ADGRG7: variants seen among roughly 807,000 people sequenced by gnomAD.
ADGRG7 encodes adhesion G protein-coupled receptor G7, also known as G-protein coupled receptor 128.
In ADGRG7, 82 loss-of-function variants were observed where a neutral mutation model predicts 88.6. The ratio of observed to expected loss-of-function variants is 0.93; its 90% CI spans 0.77 to 1.11. The LOEUF (loss-of-function observed/expected upper bound fraction) is 1.11, where lower values mean the gene tolerates loss of function less well. ADGRG7 is among the 50% of genes most tolerant of loss of function. ADGRG7 has a pLI of 0.00. For missense variants in ADGRG7, 945 were observed against 953.4 expected, an observed-to-expected ratio of 0.99 and a Z score of 0.12; for synonymous variants, 381 against 345.2, an observed-to-expected ratio of 1.10 and a Z score of -1.15.
At chr3:100,686,694 G>A (rs574798727) in intron 15 of ADGRG7, among the ~76,000 whole-genome samples, 170 of 152,204 alleles carry the variant, frequency 1.1e-3, no homozygotes, top group African/African-American at 3.7e-3. Flanking sequence ...GTAGATATGT[G>A]GCATTATTTC....
At chr3:100,694,721 T>A in intron 15 of ADGRG7, 23 bp from the exon 16 acceptor site, 1 of 1,607,064 alleles carries the variant, frequency 6.2e-7, no homozygotes, top group Non-Finnish European at 8.5e-7. Context: ...TTACCCAACA[T>A]TAAACTTTTG....
At chr3:100,626,415 G>C (rs1480416332) in intron 1 of ADGRG7, among the ~76,000 whole-genome samples, 1 of 152,112 alleles carries the variant, frequency 6.6e-6, no homozygotes, top group Non-Finnish European at 1.5e-5. Flanking sequence ...TCAATTTGGG[G>C]AGAATAGACA....
chr3:100,695,180 A>G lies in ADGRG7; in HGVS notation c.*179A>G, dbSNP rs2095000325. The G allele has an allele frequency of 9.7e-6, 6 of 621,222 alleles. No homozygotes were observed. The highest frequency in any genetic ancestry group is 1.6e-5 in the Non-Finnish European group (6 of 368,262). 38.5% of individuals were successfully genotyped at this position (621,222 alleles called of 1,614,324 possible). On this transcript the variant is annotated 3_prime_UTR_variant, in exon 16 of 16. Coordinates refer to ENST00000273352, the MANE Select transcript of ADGRG7 (RefSeq NM_032787.3). ...GCATAATGGACTTGGTAGTTTTTCT[A>G]TTTTTCAATAGATTTGTACTTGAAT...
At chr3:100,619,770 C>A (rs1016935238) in intron 1 of ADGRG7, among the ~76,000 whole-genome samples, 4 of 152,070 alleles carry the variant, frequency 2.6e-5, no homozygotes, top group Non-Finnish European at 2.9e-5. Context: ...TCAGAGAATA[C>A]TATAAACACC....
At chr3:100,681,062 A>T (rs1004589984) in intron 15 of ADGRG7, among the ~76,000 whole-genome samples, 1 of 152,200 alleles carries the variant, frequency 6.6e-6, no homozygotes, top group Non-Finnish European at 1.5e-5. Flanking sequence ...AAATCTGAAA[A>T]GAAGTTATAT....
Position 100,625,994 on chromosome 3 carries a change from G to C in ADGRG7, c.116-3604G>C, listed in dbSNP as rs985582426. Among the ~76,000 whole-genome samples the C allele has an allele frequency of 2.0e-5, 3 of 152,206 alleles. No individual in the cohort carries two copies. The South Asian group carries it at 6.2e-4, about 31-fold the overall frequency. On this transcript the variant is annotated intron_variant, in intron 1 of 15. Transcript: ENST00000273352. ...TTTTGTGTGTTTGTGTCTCTGCCAGGTTTTGTTATCAGGATGATGCTGGCT... is the reference window on the plus strand; with the variant it reads ...TTTTGTGTGTTTGTGTCTCTGCCAGCTTTTGTTATCAGGATGATGCTGGCT...
intron 8 of ADGRG7, 39 bp downstream of exon 8, chr3:100,643,672 C>T (rs770006811): frequency 8.3e-6 from 11 of 1,323,984 alleles, no homozygotes; most frequent in African/African-American, 4.4e-5. Context: ...AAAATGGACT[C>T]GAATTCATGG....
At chr3:100,615,675 T>A (rs1707214916) in intron 1 of ADGRG7, among the ~76,000 whole-genome samples, 1 of 152,238 alleles carries the variant, frequency 6.6e-6, no homozygotes. Flanking sequence ...GACCTCCTTC[T>A]TGTTTACAAA....
At chr3:100,611,697 C>T (rs574944318) in intron 1 of ADGRG7, among the ~76,000 whole-genome samples, 1 of 152,172 alleles carries the variant, frequency 6.6e-6, no homozygotes, top group Non-Finnish European at 1.5e-5. Context: ...ATATAAGGGT[C>T]ATCTCTTAGC....
At chr3:100,669,378 A>G (rs1488401304) in intron 15 of ADGRG7, among the ~76,000 whole-genome samples, 1 of 151,840 alleles carries the variant, frequency 6.6e-6, no homozygotes, top group African/African-American at 2.4e-5. Flanking sequence ...AGTCCCAGCT[A>G]GGGAGTAGTC....
chr3:100,678,801 A>T (rs2094968996), intron 15 of ADGRG7, among the ~76,000 whole-genome samples: 1 of 152,198 alleles, frequency 6.6e-6, no homozygotes, highest in Middle Eastern at 3.2e-3. Flanking sequence ...AAGCAAACAG[A>T]GTGCCTCTCT....
intron 1 of ADGRG7, among the ~76,000 whole-genome samples, chr3:100,628,817 C>T (rs1707417962): frequency 6.6e-6 from 1 of 152,152 alleles, no homozygotes; most frequent in Non-Finnish European, 1.5e-5. Context: ...AGAGTCACTG[C>T]TTGAGTTCTA....
intron 14 of ADGRG7, among the ~76,000 whole-genome samples, chr3:100,662,421 A>G (rs2094946700): frequency 1.3e-5 from 2 of 152,304 alleles, no homozygotes; most frequent in Middle Eastern, 3.4e-3. Flanking sequence ...AGACAATTTG[A>G]ACATTTATTT....
intron 4 of ADGRG7, among the ~76,000 whole-genome samples, chr3:100,635,034 C>CACACAT (rs1553691404): frequency 7.3e-5 from 11 of 150,018 alleles, no homozygotes; most frequent in East Asian, 1.9e-4. Flanking sequence ...CACACATACA[C>CACACAT]ACACACGTGC....
chr3:100,646,728 A>G lies in ADGRG7; in HGVS notation c.1266+4A>G. The stretch of plus-strand genomic sequence containing the variant: ...TACTAATTTTGCTGTATTAATGGTA[A>G]GGATATACATAGCAATCTCTTTCCA... On this transcript the variant is annotated splice_donor_region_variant and intron_variant, in intron 10 of 15. Coordinates refer to ENST00000273352, the MANE Select transcript of ADGRG7 (RefSeq NM_032787.3). The G allele has an allele frequency of 6.2e-7, 1 of 1,612,818 alleles. No homozygotes were observed. Among genetic ancestry groups the G allele is most frequent in the Non-Finnish European group, 8.5e-7 (1 of 1,179,116 alleles).
intron 1 of ADGRG7, among the ~76,000 whole-genome samples, chr3:100,627,652 C>G (rs1195011869): frequency 2.6e-5 from 4 of 152,066 alleles, no homozygotes; most frequent in Non-Finnish European, 5.9e-5. Flanking sequence ...TATTTCTTTT[C>G]TAATTTACGA....
intron 1 of ADGRG7, among the ~76,000 whole-genome samples, chr3:100,615,702 A>G (rs373996166): frequency 3.9e-5 from 6 of 152,216 alleles, no homozygotes; most frequent in African/African-American, 1.4e-4. Flanking sequence ...AGTTACAAAT[A>G]AAATATGAGA....
At chr3:100,630,906 T>A in intron 3 of ADGRG7, 97 bp downstream of exon 3, 2 of 544,748 alleles carry the variant, frequency 3.7e-6, no homozygotes, top group Non-Finnish European at 6.0e-6. Flanking sequence ...CTGAAGGGCA[T>A]CAGGAAAGGT....
intron 15 of ADGRG7, 76 bp downstream of exon 15, chr3:100,669,181 A>G: frequency 2.4e-6 from 3 of 1,228,914 alleles, no homozygotes; most frequent in South Asian, 4.9e-5. Flanking sequence ...AGTTACCTTT[A>G]AGAGACTATT....
Sources: gnomAD v4.1 joint callset for allele counts (sites outside exome capture counted in the v4.1 genomes callset) on GRCh38, gnomAD v4.1.1 for gene constraint, MANE v1.5 for transcripts, NCBI Gene and HGNC (gene_info 2026-07-23, HGNC 2026-07-21) for gene names.